Variants in METAP1D observed in about 807,000 individuals in gnomAD.
METAP1D encodes the protein methionine aminopeptidase 1D, mitochondrial.
METAP1D carries 31 observed loss-of-function variants against 40.5 expected under a neutral mutation model. The observed-to-expected ratio is 0.77, with a 90% CI of 0.58 to 1.03. The LOEUF (loss-of-function observed/expected upper bound fraction) is 1.03, where lower values mean the gene tolerates loss of function less well. Among genes scored for constraint, METAP1D ranks in the 50% least tolerant of loss-of-function variants. The pLI is 0.00. For missense variants in METAP1D, 411 were observed against 420.7 expected (o/e 0.98, Z 0.20); for synonymous variants, 151 against 146.4 (o/e 1.03, Z -0.22).
chr2:172,068,753 TC>T (rs1486339249), intron 5 of METAP1D, among the ~76,000 whole-genome samples: 1 of 152,032 alleles, frequency 6.6e-6, no homozygotes, highest in Non-Finnish European at 1.5e-5. Context: ...CCTCAAGTGA[TC>T]CGCCCACCTC....
intron 1 of METAP1D, 90 bp downstream of exon 1, chr2:172,000,099 G>C: frequency 1.7e-6 from 2 of 1,172,998 alleles, no homozygotes; most frequent in African/African-American, 1.6e-5. Flanking sequence ...CCCGCGCTCA[G>C]ACTTCTCGGC....
intron 1 of METAP1D, among the ~76,000 whole-genome samples, chr2:172,040,016 G>T (rs750118911): frequency 2.7e-5 from 4 of 148,312 alleles, no homozygotes; most frequent in South Asian, 2.1e-4. Context: ...ACAGAGTCTC[G>T]CCCTGTCGCC....
intron 1 of METAP1D, among the ~76,000 whole-genome samples, chr2:172,040,078 C>T (rs1689482717): frequency 6.6e-6 from 1 of 151,912 alleles, no homozygotes; most frequent in Non-Finnish European, 1.5e-5. Flanking sequence ...CTGCCTCAGC[C>T]TCCTGAGTAG....
At chr2:172,057,476 A>G (rs1447525893) in intron 1 of METAP1D, among the ~76,000 whole-genome samples, 1 of 152,090 alleles carries the variant, frequency 6.6e-6, no homozygotes, top group Non-Finnish European at 1.5e-5. Context: ...CTGTCCAACT[A>G]ATAGTTCTGG....
chr2:172,079,274 T>C lies in METAP1D; in HGVS notation c.850+12T>C. 6.2e-7 allele frequency: 1 copy of C among 1,613,974 alleles called. No individual in the cohort carries two copies. Among genetic ancestry groups the C allele is most frequent in the African/African-American group, 1.3e-5 (1 of 75,020 alleles). On this transcript the variant is annotated intron_variant, in intron 8 of 9. Transcript: ENST00000315796. ...GGCATTCACTATAGGTAAATTGAGC[T>C]CCTCTTCCGAGTGAGTGCGTAGCTC...
intron 6 of METAP1D, among the ~76,000 whole-genome samples, chr2:172,074,657 A>G (rs1690502054): frequency 6.6e-6 from 1 of 152,220 alleles, no homozygotes; most frequent in Non-Finnish European, 1.5e-5. Flanking sequence ...TTTCAAAAAT[A>G]TTACTAATTG....
chr2:172,035,794 G>T (rs144420671), intron 1 of METAP1D, among the ~76,000 whole-genome samples: 1 of 151,936 alleles, frequency 6.6e-6, no homozygotes, highest in Non-Finnish European at 1.5e-5. Context: ...GACCACAGAT[G>T]CATGCCATCA....
intron 1 of METAP1D, among the ~76,000 whole-genome samples, chr2:172,034,045 C>T (rs924698859): frequency 2.7e-5 from 4 of 147,512 alleles, no homozygotes; most frequent in Non-Finnish European, 4.4e-5. Flanking sequence ...CCATTGTACT[C>T]CAGTCTGGGC....
chr2:172,053,344 A>C (rs1276357327), intron 1 of METAP1D, among the ~76,000 whole-genome samples: 4 of 152,250 alleles, frequency 2.6e-5, no homozygotes, highest in Non-Finnish European at 4.4e-5. Context: ...TTCTGAGCTT[A>C]CTGTAGGAGG....
rs906554051 is a variant in METAP1D, at chr2:172,042,111, A to T, written c.41-19387A>T. 2.4e-5 allele frequency among the ~76,000 whole-genome samples: 3 copies of T among 122,852 alleles called. 1 individual carries two copies. The highest frequency in any genetic ancestry group is 5.5e-5 in the African/African-American group (2 of 36,658). 80.6% of individuals were successfully genotyped at this position (122,852 alleles called of 152,430 possible). A position where few individuals can be genotyped will look rare whatever the true frequency, so the allele number is the denominator to read the frequency against. On this transcript the variant is annotated intron_variant, in intron 1 of 9. Coordinates refer to ENST00000315796, the MANE Select transcript of METAP1D (RefSeq NM_199227.3). ...CCACTGTGCCTGGCCAGAAATATAT[A>T]TTTTTTCATTTTAAAAAATATATGT...
Position 172,018,192 on chromosome 2 carries a change from A to G in METAP1D, c.40+18183A>G, listed in dbSNP as rs140021295. Reference sequence around the variant, plus strand: ...TAAAATGAAACAAAATATGACACGTATAAGGGCAATATTTCTGGCCAAGAT... The same window carrying G: ...TAAAATGAAACAAAATATGACACGTGTAAGGGCAATATTTCTGGCCAAGAT... On this transcript the variant is annotated intron_variant, in intron 1 of 9. Coordinates refer to ENST00000315796, the MANE Select transcript of METAP1D (RefSeq NM_199227.3). 2.0e-3 allele frequency among the ~76,000 whole-genome samples: 311 copies of G among 152,028 alleles called. 1 individual carries two copies. The highest frequency in any genetic ancestry group is 3.4e-3 in the Middle Eastern group (1 of 292).
At chr2:172,077,465 G>A (rs901342715) in intron 6 of METAP1D, among the ~76,000 whole-genome samples, 2 of 152,140 alleles carry the variant, frequency 1.3e-5, no homozygotes, top group African/African-American at 2.4e-5. Flanking sequence ...CATATATCCC[G>A]GTTATGTATG....
At chr2:172,020,053 C>T (rs1008345384) in intron 1 of METAP1D, among the ~76,000 whole-genome samples, 2 of 152,152 alleles carry the variant, frequency 1.3e-5, no homozygotes, top group Non-Finnish European at 2.9e-5. Context: ...AGTGCAGTGG[C>T]GCAATCTTGG....
chr2:172,024,612 A>AG (rs1689082254), intron 1 of METAP1D, among the ~76,000 whole-genome samples: 1 of 152,140 alleles, frequency 6.6e-6, no homozygotes. Context: ...ACCTTATACT[A>AG]AGACCCTATG....
chr2:172,036,152 C>T (rs1239341068), intron 1 of METAP1D, among the ~76,000 whole-genome samples: 1 of 151,232 alleles, frequency 6.6e-6, no homozygotes, highest in African/African-American at 2.4e-5. Flanking sequence ...CCCGTCTCTA[C>T]TAAAAATACA....
In METAP1D at chr2:172,080,197, A is replaced by T. The variant is rs1393961982; in HGVS notation, c.920A>T (p.Asp307Val). 1 of 1,614,098 alleles carries T rather than the reference A, an allele frequency of 6.2e-7. No individual in the cohort carries two copies. The highest frequency in any genetic ancestry group is 1.3e-5 in the African/African-American group (1 of 74,952). ...GATGCATGGACTGTGGTCTCCCTAGACAATCAAAGGTGTTTGCTTTCTGCT... is the reference window on the plus strand; with the variant it reads ...GATGCATGGACTGTGGTCTCCCTAGTCAATCAAAGGTGTTTGCTTTCTGCT... ...LEDAWTVVSL[D>V]NQRSAQFEHT... Residue 307 changes from aspartate (D) to valine (V), a missense_variant, in exon 9 of 10, where the codon GAC becomes GTC. Coordinates refer to ENST00000315796, the MANE Select transcript of METAP1D (RefSeq NM_199227.3).
chr2:172,034,995 T>C (rs952544839), intron 1 of METAP1D, among the ~76,000 whole-genome samples: 27 of 151,918 alleles, frequency 1.8e-4, no homozygotes, highest in African/African-American at 6.5e-4. Context: ...TCTTTTTTTT[T>C]TTTTTGTTGT....
intron 6 of METAP1D, among the ~76,000 whole-genome samples, chr2:172,075,466 C>T (rs1182384732): frequency 6.6e-6 from 1 of 152,140 alleles, no homozygotes; most frequent in Non-Finnish European, 1.5e-5. Context: ...TTCCATTTTC[C>T]CCAGCATGCC....
At chr2:172,005,925 A>G (rs1197467243) in intron 1 of METAP1D, among the ~76,000 whole-genome samples, 2 of 152,118 alleles carry the variant, frequency 1.3e-5, no homozygotes, top group Non-Finnish European at 1.5e-5. Flanking sequence ...TGAAATTTCA[A>G]TGTATACTAC....
Sources: allele counts gnomAD v4.1 joint callset (sites outside exome capture counted in the v4.1 genomes callset), GRCh38; gene constraint gnomAD v4.1.1; transcripts MANE v1.5; gene names NCBI Gene and HGNC (gene_info 2026-07-23, HGNC 2026-07-21).